Variants in CFH observed in about 807,000 individuals in gnomAD.
The protein encoded by CFH is complement factor H.
CFH carries 53 observed loss-of-function variants against 147.3 expected under a neutral mutation model. The observed-to-expected ratio is 0.36, with a 90% CI of 0.29 to 0.45. CFH has a LOEUF of 0.45. Among genes scored for constraint, CFH ranks in the 20% least tolerant of loss-of-function variants. CFH has a pLI of 1.00. For synonymous variants in CFH, 536 were observed against 489.4 expected (o/e 1.10, Z -1.26); for missense variants, 1,380 against 1,498.0 (o/e 0.92, Z 1.30).
chr1:196,717,486 T>C (rs1490355990), intron 11 of CFH, among the ~76,000 whole-genome samples: 2 of 152,058 alleles, frequency 1.3e-5, no homozygotes, highest in East Asian at 3.8e-4. Flanking sequence ...ATGGATTAGG[T>C]AAGGTACAGG....
intron 1 of CFH, among the ~76,000 whole-genome samples, chr1:196,667,858 C>G (rs922550257): frequency 6.6e-6 from 1 of 152,076 alleles, no homozygotes; most frequent in Non-Finnish European, 1.5e-5. Flanking sequence ...TAGTGGCTAA[C>G]TTAGCAATTA....
At chr1:196,692,782 CTTTCT>C (rs1558163692) in intron 9 of CFH, among the ~76,000 whole-genome samples, 12 of 86,336 alleles carry the variant, frequency 1.4e-4, no homozygotes, top group African/African-American at 6.2e-4. Flanking sequence ...TTCTTTCTTT[CTTTCT>C]TTCTTTCTTT....
chr1:196,655,569 C>T (rs551003729), intron 1 of CFH, among the ~76,000 whole-genome samples: 1 of 152,250 alleles, frequency 6.6e-6, no homozygotes, highest in South Asian at 2.1e-4. Context: ...AAGATCTGAG[C>T]CAGTCTACAT....
chr1:196,695,500 G>C (rs75622513), intron 9 of CFH, among the ~76,000 whole-genome samples: 66 of 151,820 alleles, frequency 4.3e-4, no homozygotes, highest in Non-Finnish European at 9.1e-4. Context: ...ACCTTTTTTT[G>C]GTTTCATATG....
rs534399 is a variant in CFH at position 196,741,937 on chromosome 1, G to T, written c.3019G>T (p.Val1007Leu). 0.016 allele frequency: 25,084 copies of T among 1,614,074 alleles called. 2,839 individuals are homozygous for T. In the African/African-American group the frequency reaches 0.27, roughly 17 times the overall value. The stretch of plus-strand genomic sequence containing the variant: ...CATACCCATGGGAGAGAAGAAGGAT[G>T]TGTATAAGGCGGGTGAGCAAGTGAC... ...NAIPMGEKKD[V>L]YKAGEQVTYT... Residue 1007 changes from valine to leucine, a missense_variant, in exon 19 of 22, where the codon GTG becomes TTG. Val to Leu is a conservative substitution (Grantham distance 32). Around this residue, in one of 4 missense-constraint regions of CFH, gnomAD observed 830 missense variants for 821.4 expected, o/e 1.01. Transcript: ENST00000367429.
chr1:196,744,879 A>G (rs868265594), intron 20 of CFH, among the ~76,000 whole-genome samples: 2 of 152,118 alleles, frequency 1.3e-5, no homozygotes, highest in South Asian at 2.1e-4. Flanking sequence ...GCATAGGTCT[A>G]CTGGAGACAA....
rs576199785 is a variant in CFH, at chr1:196,744,149, A to G, written c.3310+521A>G. ...AGGAAATTGTATCTTACTCACCTTTATGTTTTAAAATTAATGTTTTTCTGT... is the reference window on the plus strand; with the variant it reads ...AGGAAATTGTATCTTACTCACCTTTGTGTTTTAAAATTAATGTTTTTCTGT... On this transcript the variant is annotated intron_variant, in intron 20 of 21. Transcript: ENST00000367429. 8.6e-4 allele frequency among the ~76,000 whole-genome samples: 131 copies of G among 151,966 alleles called. 1 individual carries two copies. The highest frequency in any genetic ancestry group is 3.0e-3 in the African/African-American group (125 of 41,364).
At chr1:196,695,196 G>C (rs1166787034) in intron 9 of CFH, among the ~76,000 whole-genome samples, 1 of 152,024 alleles carries the variant, frequency 6.6e-6, no homozygotes, top group African/African-American at 2.4e-5. Context: ...AGGTGTAAGG[G>C]AAGGGTCCAG....
intron 9 of CFH, among the ~76,000 whole-genome samples, chr1:196,698,887 C>T (rs1020681773): frequency 4.6e-5 from 7 of 152,036 alleles, no homozygotes; most frequent in Non-Finnish European, 7.4e-5. Flanking sequence ...ATGAGCAAGT[C>T]GCCATTATCT....
At chr1:196,726,378 T>C in intron 12 of CFH, 92 bp from the exon 13 acceptor site, 1 of 980,442 alleles carries the variant, frequency 1.0e-6, no homozygotes, top group Non-Finnish European at 1.6e-6. Context: ...GAAGAATACA[T>C]GAATAAAAGA....
At chr1:196,726,351 A>T in intron 12 of CFH, 119 bp from the exon 13 acceptor site, 1 of 771,602 alleles carries the variant, frequency 1.3e-6, no homozygotes, top group Non-Finnish European at 2.2e-6. Context: ...TTAGGATGCT[A>T]TAATAAGTTA....
chr1:196,653,673 G>A (rs1452682195), intron 1 of CFH, among the ~76,000 whole-genome samples: 3 of 152,008 alleles, frequency 2.0e-5, no homozygotes, highest in Admixed American at 1.3e-4. Flanking sequence ...CAAAGTATAT[G>A]TGATAATTAA....
intron 1 of CFH, among the ~76,000 whole-genome samples, chr1:196,664,755 T>A (rs999108039): frequency 6.6e-6 from 1 of 152,140 alleles, no homozygotes; most frequent in Non-Finnish European, 1.5e-5. Flanking sequence ...GTAGCATAAT[T>A]TGACAATTTT....
At chr1:196,725,814 G>A (rs1669123466) in intron 12 of CFH, among the ~76,000 whole-genome samples, 1 of 152,114 alleles carries the variant, frequency 6.6e-6, no homozygotes, top group African/African-American at 2.4e-5. Context: ...CACCCTGAGA[G>A]GGGGCATTCA....
chr1:196,743,346 G>T, intron 19 of CFH, 106 bp from the exon 20 acceptor site: 3 of 1,450,924 alleles, frequency 2.1e-6, no homozygotes, highest in Non-Finnish European at 2.9e-6. Context: ...TGATGAGATT[G>T]TCTACTTATT....
chr1:196,658,732 G>A (rs527531701), intron 1 of CFH, among the ~76,000 whole-genome samples: 27 of 151,808 alleles, frequency 1.8e-4, no homozygotes, highest in African/African-American at 6.5e-4. Flanking sequence ...GCCTGCTCAG[G>A]TAATTTTTAA....
At chr1:196,727,543 A>G (rs932954334) in intron 14 of CFH, among the ~76,000 whole-genome samples, 6 of 152,142 alleles carry the variant, frequency 3.9e-5, no homozygotes, top group African/African-American at 1.4e-4. Context: ...AAATATGAGT[A>G]CTAATTACTG....
At chr1:196,702,653 G>A (rs568933355) in intron 9 of CFH, among the ~76,000 whole-genome samples, 8 of 152,028 alleles carry the variant, frequency 5.3e-5, no homozygotes, top group Non-Finnish European at 1.2e-4. Context: ...AACAAAGAAT[G>A]GTTTTAGAAA....
chr1:196,653,451 A>G (rs895018839), intron 1 of CFH, among the ~76,000 whole-genome samples: 9 of 151,804 alleles, frequency 5.9e-5, no homozygotes, highest in South Asian at 2.1e-4. Context: ...CTTTGTGTAA[A>G]TATTTCTGTC....
Sources: allele counts gnomAD v4.1 joint callset (sites outside exome capture counted in the v4.1 genomes callset), GRCh38; gene constraint gnomAD v4.1.1; regional missense constraint gnomAD v4.1.1; transcripts MANE v1.5; gene names NCBI Gene and HGNC (gene_info 2026-07-23, HGNC 2026-07-21).